GALNTL6: variants seen among roughly 807,000 people sequenced by gnomAD.
The protein encoded by GALNTL6 is polypeptide N-acetylgalactosaminyltransferase-like 6.
A neutral mutation model predicts 73.7 loss-of-function variants in GALNTL6; 46 were observed. The ratio of observed to expected loss-of-function variants is 0.62; its 90% CI spans 0.49 to 0.80. The LOEUF (loss-of-function observed/expected upper bound fraction) is 0.80, where lower values mean the gene tolerates loss of function less well. Among genes scored for constraint, GALNTL6 ranks in the 30% least tolerant of loss-of-function variants. The pLI is 0.00. For synonymous variants in GALNTL6, 259 were observed against 263.7 expected (o/e 0.98, Z 0.17); for missense variants, 604 against 755.0 (o/e 0.80, Z 2.34).
chr4:171,929,081 T>A lies in GALNTL6; in HGVS notation c.138+114363T>A, dbSNP rs570961782. Among the ~76,000 whole-genome samples the A allele has an allele frequency of 9.2e-5, 14 of 152,308 alleles. No homozygotes were observed. In the South Asian group the frequency reaches 2.9e-3, roughly 32 times the overall value. On this transcript the variant is annotated intron_variant, in intron 2 of 12. Transcript: ENST00000506823. ...TCATTTTACTGTTATTATTATTATT[T>A]TTGAGATAAAGTCTCTGCTCTGTCA...
intron 5 of GALNTL6, among the ~76,000 whole-genome samples, chr4:172,352,764 CACAA>C (rs965015987): frequency 2.0e-4 from 31 of 152,120 alleles, no homozygotes; most frequent in African/African-American, 7.5e-4. Context: ...AGTATGCACA[CACAA>C]ACAGAGGCAC....
chr4:172,002,237 A>G (rs1210271042), intron 2 of GALNTL6, among the ~76,000 whole-genome samples: 2 of 152,182 alleles, frequency 1.3e-5, no homozygotes, highest in African/African-American at 4.8e-5. Flanking sequence ...TGAATCCTCA[A>G]TGTGAGTGTT....
At chr4:172,062,437 A>C (rs915700046) in intron 2 of GALNTL6, among the ~76,000 whole-genome samples, 7 of 152,216 alleles carry the variant, frequency 4.6e-5, no homozygotes, top group African/African-American at 1.7e-4. Context: ...ATATTTTTAT[A>C]AGACTGCTGT....
chr4:171,851,325 T>A (rs1170341571), intron 2 of GALNTL6, among the ~76,000 whole-genome samples: 1 of 152,190 alleles, frequency 6.6e-6, no homozygotes, highest in Non-Finnish European at 1.5e-5. Context: ...CAAAAGAATA[T>A]CATCCCAGTA....
At chr4:172,154,112 G>A (rs1579190125) in intron 2 of GALNTL6, among the ~76,000 whole-genome samples, 1 of 143,940 alleles carries the variant, frequency 6.9e-6, no homozygotes, top group South Asian at 2.2e-4. Flanking sequence ...TGCTTCTTGT[G>A]TGTTAAATAA....
chr4:172,426,909 A>G (rs1731250604), intron 5 of GALNTL6, among the ~76,000 whole-genome samples: 1 of 86,756 alleles, frequency 1.2e-5, no homozygotes, highest in African/African-American at 4.7e-5. Context: ...TTCTTATGTA[A>G]GGACTCTTAT....
At chr4:172,057,757 T>TATATATAA (rs1491338494) in intron 2 of GALNTL6, among the ~76,000 whole-genome samples, 5 of 132,110 alleles carry the variant, frequency 3.8e-5, no homozygotes, top group Non-Finnish European at 6.4e-5. Flanking sequence ...TATATATATA[T>TATATATAA]AAATCAAGTT....
At chr4:172,365,370 G>A (rs1742519157) in intron 5 of GALNTL6, among the ~76,000 whole-genome samples, 1 of 152,106 alleles carries the variant, frequency 6.6e-6, no homozygotes. Context: ...GATGTCATTT[G>A]TGGTTCATGG....
intron 5 of GALNTL6, among the ~76,000 whole-genome samples, chr4:172,754,699 G>A (rs971266319): frequency 6.6e-6 from 1 of 152,074 alleles, no homozygotes; most frequent in African/African-American, 2.4e-5. Context: ...TGGAATGGAT[G>A]GTGTTAATGA....
intron 5 of GALNTL6, among the ~76,000 whole-genome samples, chr4:172,575,922 A>G (rs775571275): frequency 2.0e-5 from 3 of 152,182 alleles, no homozygotes; most frequent in African/African-American, 2.4e-5. Context: ...GGTTTTAGTT[A>G]TAAAATGGTG....
chr4:172,829,606 C>T (rs1014316717), intron 7 of GALNTL6, among the ~76,000 whole-genome samples: 5 of 152,192 alleles, frequency 3.3e-5, no homozygotes, highest in Admixed American at 6.5e-5. Context: ...ACCTAAATTG[C>T]AAGTATTTAT....
In GALNTL6 at chr4:171,859,324, T is replaced by C. The variant is rs111623464; in HGVS notation, c.138+44606T>C. Among the ~76,000 whole-genome samples the C allele has an allele frequency of 4.6e-3, 707 of 152,294 alleles. 5 individuals carry two copies. The highest frequency in any genetic ancestry group is 0.016 in the African/African-American group (670 of 41,576). ...ATTTTAATCTAAATGAAATAGAGCA[T>C]TTTAAAATTTTTTGAACTCCCAATG... On this transcript the variant is annotated intron_variant, in intron 2 of 12. Coordinates refer to ENST00000506823, the MANE Select transcript of GALNTL6 (RefSeq NM_001034845.3).
chr4:171,894,800 G>A (rs1346338266), intron 2 of GALNTL6, among the ~76,000 whole-genome samples: 2 of 152,098 alleles, frequency 1.3e-5, no homozygotes, highest in Non-Finnish European at 2.9e-5. Context: ...GAGTTCCAAG[G>A]GACTTGTGTG....
intron 2 of GALNTL6, chr4:172,052,664 C>G: frequency 3.6e-6 from 2 of 559,630 alleles, no homozygotes; most frequent in South Asian, 5.2e-5. Context: ...TTTGTGATCA[C>G]TTTTGCCCAG....
rs561638428 is a variant in GALNTL6 at position 172,211,051 on chromosome 4, A to G, written c.139-18605A>G. On this transcript the variant is annotated intron_variant, in intron 2 of 12. Coordinates refer to ENST00000506823, the MANE Select transcript of GALNTL6 (RefSeq NM_001034845.3). ...TCTTGTGTTTCTCTGAATCATTCAC[A>G]TCCTTTTAGGTATTGGTGTTGTTTT... Among the ~76,000 whole-genome samples, 84 of 152,318 alleles carry G rather than the reference A, an allele frequency of 5.5e-4. 1 individual carries two copies. The highest frequency in any genetic ancestry group is 2.0e-3 in the African/African-American group (84 of 41,572).
At chr4:172,024,088 T>C (rs1741481855) in intron 2 of GALNTL6, among the ~76,000 whole-genome samples, 1 of 151,782 alleles carries the variant, frequency 6.6e-6, no homozygotes, top group Non-Finnish European at 1.5e-5. Flanking sequence ...TCTGCTTAGG[T>C]TTTAGGGTGT....
Position 172,549,765 on chromosome 4 carries a change from A to G in GALNTL6, c.553+201076A>G, listed in dbSNP as rs1735890865. Among the ~76,000 whole-genome samples the G allele has an allele frequency of 1.3e-5, 2 of 152,226 alleles. 1 individual carries two copies. The highest frequency in any genetic ancestry group is 4.1e-4 in the South Asian group (2 of 4,832). ...AAGTATTGTAATTGGGCTAAAAAAC[A>G]AATAGCACACTGTAAATGCTAAAAA... On this transcript the variant is annotated intron_variant, in intron 5 of 12. Transcript: ENST00000506823.
At chr4:172,585,478 C>T (rs28580132) in intron 5 of GALNTL6, among the ~76,000 whole-genome samples, 9 of 152,120 alleles carry the variant, frequency 5.9e-5, no homozygotes, top group African/African-American at 2.2e-4. Flanking sequence ...CATTGTTCAA[C>T]CCCCTCTTAT....
chr4:172,666,536 C>T lies in GALNTL6; in HGVS notation c.554-142825C>T, dbSNP rs181972414. On this transcript the variant is annotated intron_variant, in intron 5 of 12. Coordinates refer to ENST00000506823, the MANE Select transcript of GALNTL6 (RefSeq NM_001034845.3). ...ACACACAAAAAAAATTCTGTGAGGACGTCTGCCCAGCAACTGCTTGTTCAA... is the reference window on the plus strand; with the variant it reads ...ACACACAAAAAAAATTCTGTGAGGATGTCTGCCCAGCAACTGCTTGTTCAA... Among the ~76,000 whole-genome samples, 379 of 152,272 alleles carry T rather than the reference C, an allele frequency of 2.5e-3. 1 individual carries two copies. Among genetic ancestry groups the T allele is most frequent in the African/African-American group, 4.4e-3 (184 of 41,560 alleles).
Sources: allele counts gnomAD v4.1 joint callset (sites outside exome capture counted in the v4.1 genomes callset), GRCh38; gene constraint gnomAD v4.1.1; transcripts MANE v1.5; gene names NCBI Gene and HGNC (gene_info 2026-07-23, HGNC 2026-07-21).